DDAH1: variants seen among roughly 807,000 people sequenced by gnomAD.
The protein encoded by DDAH1 is dimethylarginine dimethylaminohydrolase 1.
In DDAH1, 19 loss-of-function variants were observed where a neutral mutation model predicts 28.8. The observed-to-expected ratio is 0.66, with a 90% confidence interval of 0.46 to 0.97. The LOEUF (loss-of-function observed/expected upper bound fraction) is 0.97. Among genes scored for constraint, DDAH1 ranks in the 50% least tolerant of loss-of-function variants. The pLI, the probability that DDAH1 is intolerant of heterozygous loss-of-function variation, is 0.00. For synonymous variants in DDAH1, 153 were observed against 154.4 expected, an observed-to-expected ratio of 0.99 and a Z score of 0.07; for missense variants, 326 against 375.9, an observed-to-expected ratio of 0.87 and a Z score of 1.10.
intron 1 of DDAH1, among the ~76,000 whole-genome samples, chr1:85,557,910 A>G (rs1330480802): frequency 6.6e-6 from 1 of 152,220 alleles, no homozygotes; most frequent in Non-Finnish European, 1.5e-5. Flanking sequence ...CCTTGATCTC[A>G]GACTTCTAGC....
At chr1:85,376,004 A>G (rs1650646591) in intron 1 of DDAH1, among the ~76,000 whole-genome samples, 1 of 152,164 alleles carries the variant, frequency 6.6e-6, no homozygotes, top group African/African-American at 2.4e-5. Flanking sequence ...GTGGTGGACA[A>G]TACTGCTATT....
chr1:85,438,766 G>A (rs1654056325), intron 1 of DDAH1, among the ~76,000 whole-genome samples: 1 of 152,176 alleles, frequency 6.6e-6, no homozygotes, highest in Non-Finnish European at 1.5e-5. Context: ...TGATCCTGGA[G>A]GAAGATCTAT....
At chr1:85,555,841 A>T (rs1658945377) in intron 1 of DDAH1, among the ~76,000 whole-genome samples, 1 of 152,220 alleles carries the variant, frequency 6.6e-6, no homozygotes, top group South Asian at 2.1e-4. Context: ...CTTCCTTGCA[A>T]TAGTAGCAAT....
chr1:85,553,793 G>A (rs1658874489), intron 1 of DDAH1, among the ~76,000 whole-genome samples: 1 of 152,204 alleles, frequency 6.6e-6, no homozygotes. Context: ...GGGGTCACAG[G>A]TGCTACATAA....
At chr1:85,367,882 T>C (rs1650157705) in intron 1 of DDAH1, among the ~76,000 whole-genome samples, 1 of 152,176 alleles carries the variant, frequency 6.6e-6, no homozygotes, top group Admixed American at 6.5e-5. Flanking sequence ...CCTAGAGCCC[T>C]GGAGTTCTTA....
intron 1 of DDAH1, among the ~76,000 whole-genome samples, chr1:85,500,567 G>A (rs148195174): frequency 6.6e-5 from 10 of 152,116 alleles, no homozygotes; most frequent in African/African-American, 2.4e-4. Flanking sequence ...TATCCTGCAT[G>A]GAGTTTATTG....
chr1:85,435,702 T>C (rs537671029), intron 1 of DDAH1, among the ~76,000 whole-genome samples: 1 of 152,332 alleles, frequency 6.6e-6, no homozygotes, highest in East Asian at 1.9e-4. Context: ...GAGAGCCAAG[T>C]GGCTAAATGG....
chr1:85,351,201 G>A (rs1649180723), intron 3 of DDAH1, among the ~76,000 whole-genome samples: 1 of 151,902 alleles, frequency 6.6e-6, no homozygotes, highest in African/African-American at 2.4e-5. Flanking sequence ...CGGCCTTCCA[G>A]ATTTTTTTTT....
chr1:85,357,541 T>C (rs907821715), intron 2 of DDAH1, among the ~76,000 whole-genome samples: 1 of 152,228 alleles, frequency 6.6e-6, no homozygotes, highest in Non-Finnish European at 1.5e-5. Context: ...AAAATGGCTA[T>C]ATCTTGACTA....
At chr1:85,550,106 G>T (rs770840538) in intron 1 of DDAH1, among the ~76,000 whole-genome samples, 2 of 152,062 alleles carry the variant, frequency 1.3e-5, no homozygotes, top group Non-Finnish European at 2.9e-5. Context: ...ACCGTCAATT[G>T]GATTCTATTT....
At chr1:85,478,633 A>G (rs1655886287) in intron 2 of DDAH1, among the ~76,000 whole-genome samples, 1 of 152,250 alleles carries the variant, frequency 6.6e-6, no homozygotes, top group South Asian at 2.1e-4. Flanking sequence ...GGATTATGGG[A>G]ACTAAAATTC....
chr1:85,485,013 A>G (rs1656155269), intron 2 of DDAH1, among the ~76,000 whole-genome samples: 1 of 152,240 alleles, frequency 6.6e-6, no homozygotes, highest in Non-Finnish European at 1.5e-5. Flanking sequence ...TGTGCTATGG[A>G]TAGCATACCT....
At chr1:85,332,147 G>T (rs1026970781) in intron 4 of DDAH1, among the ~76,000 whole-genome samples, 1 of 152,222 alleles carries the variant, frequency 6.6e-6, no homozygotes, top group Admixed American at 6.5e-5. Flanking sequence ...GTTCTGGACA[G>T]ATAGAGAGCC....
At chr1:85,339,941 C>T (rs980043340) in intron 4 of DDAH1, among the ~76,000 whole-genome samples, 18 of 152,116 alleles carry the variant, frequency 1.2e-4, no homozygotes, top group African/African-American at 3.9e-4. Context: ...CTGTGATGTA[C>T]GATCTCAGCC....
At chr1:85,492,547 T>C (rs1656443355) in intron 2 of DDAH1, among the ~76,000 whole-genome samples, 1 of 152,176 alleles carries the variant, frequency 6.6e-6, no homozygotes, top group African/African-American at 2.4e-5. Context: ...ACTTCTCATT[T>C]TCCTCATTGG....
In DDAH1 at chr1:85,527,704, A is replaced by AT. The variant is rs1293113329; in HGVS notation, c.-122-31424dup. 5.3e-5 allele frequency among the ~76,000 whole-genome samples: 8 copies of AT among 151,646 alleles called. No individual in the cohort carries two copies. The South Asian group carries it at 6.3e-4, about 12-fold the overall frequency. On this transcript the variant is annotated intron_variant, in intron 1 of 6. Coordinates refer to the DDAH1 transcript ENST00000426972. Reference sequence around the variant, plus strand: ...TAAAATAAAAAAGCAACTCCCTGCAATTTTTTTTTCATATTGGTCTTTAGC... The same window carrying AT: ...TAAAATAAAAAAGCAACTCCCTGCAATTTTTTTTTTCATATTGGTCTTTAGC...
At chr1:85,328,176 C>G (rs1445693051) in intron 4 of DDAH1, among the ~76,000 whole-genome samples, 1 of 152,166 alleles carries the variant, frequency 6.6e-6, no homozygotes, top group Non-Finnish European at 1.5e-5. Context: ...CTCTGTGGTC[C>G]TAACTCAAAT....
chr1:85,384,719 T>C (rs1253697207), intron 1 of DDAH1, among the ~76,000 whole-genome samples: 1 of 152,224 alleles, frequency 6.6e-6, no homozygotes, highest in Admixed American at 6.5e-5. Context: ...TAATGTCCCA[T>C]AACTCAAATG....
At chr1:85,356,633 GA>G (rs1320842961) in intron 2 of DDAH1, among the ~76,000 whole-genome samples, 2 of 152,212 alleles carry the variant, frequency 1.3e-5, no homozygotes, top group Non-Finnish European at 2.9e-5. Flanking sequence ...GGTGTGAATG[GA>G]GTGCCAAGGA....
Sources: gnomAD v4.1 joint callset for allele counts (sites outside exome capture counted in the v4.1 genomes callset) on GRCh38, gnomAD v4.1.1 for gene constraint, MANE v1.5 for transcripts, NCBI Gene and HGNC (gene_info 2026-07-23, HGNC 2026-07-21) for gene names.